Variants in CEP63 observed in about 807,000 individuals in gnomAD.
CEP63 encodes centrosomal protein of 63 kDa.
Under a neutral mutation model 89.1 loss-of-function variants are expected in CEP63, and 84 were observed. The ratio of observed to expected loss-of-function variants is 0.94; its 90% CI spans 0.79 to 1.13. The LOEUF is 1.13. CEP63 is among the 50% of genes most tolerant of loss of function. CEP63 has a pLI of 0.00. For missense variants in CEP63, 838 were observed against 813.3 expected (o/e 1.03, Z -0.37); for synonymous variants, 267 against 272.5 (o/e 0.98, Z 0.20).
At chr3:134,524,071 G>A (rs1322744455) in intron 3 of CEP63, among the ~76,000 whole-genome samples, 1 of 152,038 alleles carries the variant, frequency 6.6e-6, no homozygotes, top group African/African-American at 2.4e-5. Context: ...TCTTTGAGCA[G>A]TGTTGTATAT....
the CEP63 span, among the ~76,000 whole-genome samples, chr3:134,710,033 T>C: frequency 6.6e-6 from 1 of 152,218 alleles, no homozygotes; most frequent in Non-Finnish European, 1.5e-5. Context: ...ATGTGGAAAC[T>C]GTTGTGGCCA....
Position 134,537,272 on chromosome 3 carries a change from G to A in CEP63, c.555+4G>A, listed in dbSNP as rs776766593. On this transcript the variant is annotated splice_donor_region_variant and intron_variant, in intron 6 of 14. Transcript: ENST00000675561. ...TGAACAATCAGAGATAATTCAGGTA[G>A]GCCTAAGACTTTTTAAAATAATGAG... 5.2e-5 allele frequency: 82 copies of A among 1,566,684 alleles called. 1 individual carries two copies. In the Admixed American group the frequency reaches 1.4e-3, roughly 26 times the overall value.
the CEP63 span, among the ~76,000 whole-genome samples, chr3:134,733,987 T>G: frequency 6.6e-6 from 1 of 152,294 alleles, no homozygotes; most frequent in South Asian, 2.1e-4. Context: ...CCCACTAACT[T>G]CAATATGATT....
the CEP63 span, among the ~76,000 whole-genome samples, chr3:134,695,867 T>A: frequency 6.6e-6 from 1 of 152,202 alleles, no homozygotes; most frequent in African/African-American, 2.4e-5. Context: ...ACTAACTCAG[T>A]GAATCCTCAC....
chr3:134,535,410 C>T (rs559755742), intron 5 of CEP63: 1 of 152,184 alleles, frequency 6.6e-6, no homozygotes, highest in Admixed American at 6.5e-5. Context: ...TGAGAAAAAC[C>T]ACATTTCTCT....
downstream of CEP63, among the ~76,000 whole-genome samples, chr3:134,566,966 A>G (rs1227265453): frequency 1.3e-5 from 2 of 152,220 alleles, no homozygotes; most frequent in African/African-American, 4.8e-5. Flanking sequence ...TTTGTACACA[A>G]ATGATCTTAG....
intron 3 of CEP63, among the ~76,000 whole-genome samples, chr3:134,509,575 G>A (rs927909302): frequency 2.0e-5 from 3 of 152,100 alleles, no homozygotes; most frequent in African/African-American, 4.8e-5. Context: ...ACTCTTTCCA[G>A]TGCATTATTT....
the CEP63 span, among the ~76,000 whole-genome samples, chr3:134,705,869 T>C: frequency 6.6e-6 from 1 of 152,364 alleles, no homozygotes; most frequent in East Asian, 1.9e-4. Context: ...TTTGATTGTG[T>C]TGAAGTCTTC....
the CEP63 span, among the ~76,000 whole-genome samples, chr3:134,694,600 C>T: frequency 3.9e-5 from 6 of 152,218 alleles, no homozygotes; most frequent in Non-Finnish European, 7.3e-5. Context: ...TCCAGGGCTC[C>T]AGCCTAGGAC....
At chr3:134,614,526 A>G in the CEP63 span, among the ~76,000 whole-genome samples, 1 of 152,052 alleles carries the variant, frequency 6.6e-6, no homozygotes, top group Non-Finnish European at 1.5e-5. Context: ...CAAGGGCTGC[A>G]AAGGACCACA....
the CEP63 span, among the ~76,000 whole-genome samples, chr3:134,647,261 G>A: frequency 2.6e-5 from 4 of 152,194 alleles, no homozygotes; most frequent in African/African-American, 7.2e-5. Context: ...CTGACTCCAG[G>A]GAACACTTCC....
chr3:134,666,223 A>G, the CEP63 span, among the ~76,000 whole-genome samples: 1 of 152,208 alleles, frequency 6.6e-6, no homozygotes, highest in South Asian at 2.1e-4. Flanking sequence ...GGAAGAAGCC[A>G]CACGGGATCA....
chr3:134,607,582 G>A, the CEP63 span: 1 of 985,478 alleles, frequency 1.0e-6, no homozygotes, highest in Admixed American at 6.1e-5. Context: ...CCCAGGCTGT[G>A]TGCCCAGCAC....
At chr3:134,526,908 C>G (rs964776382) in intron 3 of CEP63, among the ~76,000 whole-genome samples, 1 of 100,658 alleles carries the variant, frequency 9.9e-6, no homozygotes, top group African/African-American at 3.3e-5. Context: ...AGACTGTGTG[C>G]TCTAACTCTG....
At chr3:134,720,039 GAACA>G in the CEP63 span, among the ~76,000 whole-genome samples, 385 of 152,222 alleles carry the variant, frequency 2.5e-3, 3 homozygotes, top group African/African-American at 8.8e-3. Context: ...TCGTTTTGAG[GAACA>G]AACAGTTTTC....
the CEP63 span, chr3:134,604,429 A>G: frequency 6.2e-7 from 1 of 1,613,666 alleles, no homozygotes; most frequent in Non-Finnish European, 8.5e-7. Flanking sequence ...GAACATGAAC[A>G]GCGTCGGGGC....
chr3:134,702,220 C>CA, the CEP63 span, among the ~76,000 whole-genome samples: 2 of 151,802 alleles, frequency 1.3e-5, no homozygotes, highest in African/African-American at 4.8e-5. Flanking sequence ...AGAGATGACA[C>CA]AAAAAAATGG....
At chr3:134,692,145 A>G in the CEP63 span, among the ~76,000 whole-genome samples, 1 of 151,974 alleles carries the variant, frequency 6.6e-6, no homozygotes, top group African/African-American at 2.4e-5. Flanking sequence ...GTTCTAGGGT[A>G]CATGTGCACA....
At chr3:134,548,369 T>G (rs993279071) in intron 9 of CEP63, among the ~76,000 whole-genome samples, 6 of 152,228 alleles carry the variant, frequency 3.9e-5, no homozygotes, top group Admixed American at 1.3e-4. Flanking sequence ...TGCTGTGGTG[T>G]TGTTACTTCC....
Sources: allele counts gnomAD v4.1 joint callset (sites outside exome capture counted in the v4.1 genomes callset), GRCh38; gene constraint gnomAD v4.1.1; transcripts MANE v1.5; gene names NCBI Gene and HGNC (gene_info 2026-07-23, HGNC 2026-07-21).